The following KAZN variants were observed in gnomAD, a reference collection of about 807,000 sequenced individuals.
The protein encoded by KAZN is kazrin, periplakin interacting protein.
A neutral mutation model predicts 87.4 loss-of-function variants in KAZN; 40 were observed. The ratio of observed to expected loss-of-function variants is 0.46; its 90% CI spans 0.36 to 0.60. The LOEUF (loss-of-function observed/expected upper bound fraction) is 0.60. Among genes scored for constraint, KAZN ranks in the 20% least tolerant of loss-of-function variants. The pLI is 0.00. For synonymous variants in KAZN, 466 were observed against 458.3 expected (o/e 1.02, Z -0.22); for missense variants, 898 against 1,073.9 (o/e 0.84, Z 2.29).
At chr1:14,685,058 T>A (rs10927500) in intron 1 of KAZN, among the ~76,000 whole-genome samples, 59,399 of 151,908 alleles carry the variant, frequency 0.39, 13,099 homozygotes, top group South Asian at 0.52. Context: ...GCTCTCTTAG[T>A]TTGGGTTCCA....
chr1:14,977,945 G>A (rs549673715), intron 2 of KAZN, among the ~76,000 whole-genome samples: 1 of 144,884 alleles, frequency 6.9e-6, no homozygotes, highest in Non-Finnish European at 1.5e-5. Flanking sequence ...CCAGGCTGGA[G>A]TGCAATGGCA....
chr1:14,897,833 G>A (rs900044984), intron 1 of KAZN, among the ~76,000 whole-genome samples: 7 of 152,262 alleles, frequency 4.6e-5, no homozygotes, highest in African/African-American at 1.7e-4. Context: ...CCTCCTGAAA[G>A]GCTCTCAGGA....
intron 1 of KAZN, among the ~76,000 whole-genome samples, chr1:14,867,848 G>T (rs74059631): frequency 0.022 from 3,158 of 140,454 alleles, 114 homozygotes; most frequent in African/African-American, 0.074. Context: ...CTGAGCCAGT[G>T]ATGTATATAA....
At chr1:14,584,788 G>A (rs1675755808) in intron 2 of KAZN, among the ~76,000 whole-genome samples, 1 of 152,134 alleles carries the variant, frequency 6.6e-6, no homozygotes, top group Non-Finnish European at 1.5e-5. Flanking sequence ...GGGATTACAG[G>A]CATGCACCAC....
chr1:14,347,134 T>G (rs1057243297), intron 2 of KAZN, among the ~76,000 whole-genome samples: 6 of 152,226 alleles, frequency 3.9e-5, no homozygotes, highest in African/African-American at 1.4e-4. Context: ...ACCTTTGCTT[T>G]GGGGAATGTT....
intron 1 of KAZN, among the ~76,000 whole-genome samples, chr1:14,712,760 G>T (rs1642553753): frequency 6.6e-6 from 1 of 152,204 alleles, no homozygotes; most frequent in South Asian, 2.1e-4. Flanking sequence ...AAACCGCTCA[G>T]ACCTGGGCAG....
chr1:14,320,234 G>A (rs182890772), intron 2 of KAZN, among the ~76,000 whole-genome samples: 13 of 152,092 alleles, frequency 8.5e-5, no homozygotes, highest in Non-Finnish European at 1.6e-4. Flanking sequence ...TGTGATTACC[G>A]CACACAGAAG....
intron 1 of KAZN, among the ~76,000 whole-genome samples, chr1:14,901,529 A>G (rs1655899798): frequency 6.6e-6 from 1 of 152,142 alleles, no homozygotes; most frequent in South Asian, 2.1e-4. Flanking sequence ...GAGAATGGGC[A>G]GGGAGTCAGA....
chr1:14,271,644 A>G (rs1651942656), intron 2 of KAZN, among the ~76,000 whole-genome samples: 1 of 152,200 alleles, frequency 6.6e-6, no homozygotes, highest in South Asian at 2.1e-4. Context: ...ACATGGTCCA[A>G]CAAAGCAACT....
At chr1:14,130,339 C>T (rs1441010432) in intron 1 of KAZN, among the ~76,000 whole-genome samples, 1 of 152,188 alleles carries the variant, frequency 6.6e-6, no homozygotes, top group Non-Finnish European at 1.5e-5. Flanking sequence ...TGCCAGGCAG[C>T]TCCTTCTGTA....
At chr1:14,531,781 A>G (rs1015673287) in intron 2 of KAZN, among the ~76,000 whole-genome samples, 10 of 152,238 alleles carry the variant, frequency 6.6e-5, no homozygotes, top group Non-Finnish European at 5.9e-5. Context: ...GGAAACTAAT[A>G]TTAGCAACAA....
intron 8 of KAZN, among the ~76,000 whole-genome samples, chr1:15,084,305 T>C (rs1251046762): frequency 6.6e-6 from 1 of 152,108 alleles, no homozygotes; most frequent in Non-Finnish European, 1.5e-5. Context: ...TGCACAGCAG[T>C]GCCAGCAGGA....
At chr1:14,141,236 TAA>T (rs59679402) in intron 1 of KAZN, among the ~76,000 whole-genome samples, 244 of 39,238 alleles carry the variant, frequency 6.2e-3, no homozygotes, top group African/African-American at 0.038. Context: ...GATTACCATT[TAA>T]AAAAAAAAAA....
At chr1:14,066,150 A>G (rs1197607098) in intron 1 of KAZN, among the ~76,000 whole-genome samples, 1 of 152,174 alleles carries the variant, frequency 6.6e-6, no homozygotes, top group Non-Finnish European at 1.5e-5. Flanking sequence ...TGCTGCAAAC[A>G]TCATTATTTC....
intron 2 of KAZN, among the ~76,000 whole-genome samples, chr1:14,388,719 A>T (rs1192852456): frequency 6.6e-6 from 1 of 152,214 alleles, no homozygotes; most frequent in Admixed American, 6.5e-5. Flanking sequence ...TACAGACTTA[A>T]ATATAAGACC....
chr1:14,694,036 C>G (rs1641466481), intron 1 of KAZN, among the ~76,000 whole-genome samples: 1 of 152,216 alleles, frequency 6.6e-6, no homozygotes, highest in Non-Finnish European at 1.5e-5. Context: ...GGTTATTAAT[C>G]CTTTTGACAT....
chr1:14,666,904 T>G (rs1380105615), intron 1 of KAZN, among the ~76,000 whole-genome samples: 1 of 152,086 alleles, frequency 6.6e-6, no homozygotes, highest in Non-Finnish European at 1.5e-5. Context: ...CCCAGCTAAT[T>G]TTTGTAGTTT....
chr1:14,245,156 G>A (rs2100590920), intron 2 of KAZN, among the ~76,000 whole-genome samples: 1 of 152,000 alleles, frequency 6.6e-6, no homozygotes, highest in Admixed American at 6.6e-5. Context: ...CTAGAGTTGG[G>A]GTTTCACCGT....
At chr1:13,962,100 G>A (rs1008293316) in intron 1 of KAZN, among the ~76,000 whole-genome samples, 2 of 152,142 alleles carry the variant, frequency 1.3e-5, no homozygotes, top group Non-Finnish European at 2.9e-5. Context: ...TTTTCCTGTT[G>A]TGCTTCACAC....
Sources: gnomAD v4.1 joint callset for allele counts (sites outside exome capture counted in the v4.1 genomes callset) on GRCh38, gnomAD v4.1.1 for gene constraint, MANE v1.5 for transcripts, NCBI Gene and HGNC (gene_info 2026-07-23, HGNC 2026-07-21) for gene names.